Variants in CYP7B1 observed in about 807,000 individuals in gnomAD.
CYP7B1 encodes cytochrome P450 family 7 subfamily B member 1, also known as cytochrome P450 7B1.
A neutral mutation model predicts 42.7 loss-of-function variants in CYP7B1; 29 were observed. The ratio of observed to expected loss-of-function variants is 0.68; its 90% CI spans 0.51 to 0.93. The LOEUF is 0.93. Among genes scored for constraint, CYP7B1 ranks in the 40% least tolerant of loss-of-function variants. The pLI, the probability that CYP7B1 is intolerant of heterozygous loss-of-function variation, is 0.00. For missense variants in CYP7B1, 655 were observed against 600.5 expected (o/e 1.09, Z -0.95); for synonymous variants, 235 against 218.2 (o/e 1.08, Z -0.68).
At position 64,616,344 on chromosome 8, in the gene CYP7B1, C is replaced by T. The variant is rs926760501; in HGVS notation, c.260-63G>A. 5.3e-5 allele frequency: 55 copies of T among 1,033,888 alleles called. No individual in the cohort carries two copies. In the Admixed American group the frequency reaches 1.3e-3, roughly 25 times the overall value. 64.0% of individuals were successfully genotyped at this position (1,033,888 alleles called of 1,614,324 possible). ...TTGTTAATAAAACAGAAATAAACAC[C>T]ACAAATTAAAAAATATGTTAATCAA... On this transcript the variant is annotated intron_variant, in intron 2 of 5. Coordinates refer to ENST00000310193, the MANE Select transcript of CYP7B1 (RefSeq NM_004820.5).
chr8:64,789,536 G>A (rs1480297924), intron 1 of CYP7B1, among the ~76,000 whole-genome samples: 3 of 152,148 alleles, frequency 2.0e-5, no homozygotes, highest in Non-Finnish European at 4.4e-5. Context: ...AGATGACTGT[G>A]GGCATGCCCT....
At chr8:64,770,570 A>T (rs947874561) in intron 1 of CYP7B1, among the ~76,000 whole-genome samples, 6 of 152,226 alleles carry the variant, frequency 3.9e-5, no homozygotes, top group African/African-American at 1.4e-4. Context: ...TAAAAATAAA[A>T]CTATTGAACA....
intron 1 of CYP7B1, among the ~76,000 whole-genome samples, chr8:64,658,142 C>T (rs1056639235): frequency 6.6e-6 from 1 of 152,142 alleles, no homozygotes; most frequent in African/African-American, 2.4e-5. Context: ...ACCCCACCTC[C>T]TAACATCATT....
chr8:64,738,078 C>G (rs1235671669), intron 1 of CYP7B1, among the ~76,000 whole-genome samples: 1 of 152,150 alleles, frequency 6.6e-6, no homozygotes, highest in African/African-American at 2.4e-5. Flanking sequence ...TAGGTTTATT[C>G]TGACCTAGAG....
At chr8:64,673,479 T>C (rs1427993121) in intron 1 of CYP7B1, among the ~76,000 whole-genome samples, 1 of 152,132 alleles carries the variant, frequency 6.6e-6, no homozygotes, top group Non-Finnish European at 1.5e-5. Flanking sequence ...TCTTTTTGTG[T>C]GGCTGCTGCA....
chr8:64,682,403 A>G (rs1454405261), intron 1 of CYP7B1, among the ~76,000 whole-genome samples: 1 of 152,230 alleles, frequency 6.6e-6, no homozygotes, highest in Non-Finnish European at 1.5e-5. Context: ...AAAAGGCGCT[A>G]ACCTTTTTTA....
At position 64,798,677 on chromosome 8, in the gene CYP7B1, GCGGCGCCCC is replaced by G; in HGVS notation, c.-99_-91del. On this transcript the variant is annotated 5_prime_UTR_variant, in exon 1 of 6. Transcript: ENST00000310193. ...CTGCAGCCTGCGGCGGCTTCTCTCGGCGGCGCCCCCTAGTCCAGGGCCGGAGAGGCTGGC... is the reference window on the plus strand; with the variant it reads ...CTGCAGCCTGCGGCGGCTTCTCTCGGCTAGTCCAGGGCCGGAGAGGCTGGC... 1 of 1,375,362 alleles carries G rather than the reference GCGGCGCCCC, an allele frequency of 7.3e-7. No individual in the cohort carries two copies. Among genetic ancestry groups the G allele is most frequent in the East Asian group, 3.1e-5 (1 of 32,306 alleles). 85.2% of individuals were successfully genotyped at this position (1,375,362 alleles called of 1,614,324 possible).
chr8:64,797,831 C>G (rs1161991866), intron 1 of CYP7B1, among the ~76,000 whole-genome samples: 1 of 152,206 alleles, frequency 6.6e-6, no homozygotes, highest in Non-Finnish European at 1.5e-5. Context: ...TTCTCTATTT[C>G]TACTTCCACA....
chr8:64,615,824 C>T lies in CYP7B1; in HGVS notation c.717G>A (p.Lys239=), dbSNP rs1210318981. The T allele has an allele frequency of 6.2e-7, 1 of 1,613,704 alleles. No individual in the cohort carries two copies. Among genetic ancestry groups the T allele is most frequent in the East Asian group, 2.2e-5 (1 of 44,856 alleles). ...NIPIELLGNV[K]SIREKIIKCF... The stretch of plus-strand genomic sequence containing the variant: ...ATTTTATAATTTTCTCTCTAATAGA[C>T]TTGACATTTCCTAGAAGCTCAATGG... The change falls in exon 3 of 6, where the codon AAG becomes AAA. Residue 239 remains lysine, a synonymous_variant. Transcript: ENST00000310193.
intron 1 of CYP7B1, among the ~76,000 whole-genome samples, chr8:64,711,783 A>C (rs879439457): frequency 2.6e-5 from 4 of 152,226 alleles, no homozygotes; most frequent in Non-Finnish European, 5.9e-5. Context: ...TCTTGCTCAG[A>C]AAGATATCTA....
In CYP7B1 at chr8:64,636,532, CCTTTTTTCCTGAA is replaced by C. The variant is rs1458640772; in HGVS notation, c.123-12006_123-11994del. 5.9e-5 allele frequency among the ~76,000 whole-genome samples: 9 copies of C among 152,202 alleles called. No individual in the cohort carries two copies. The East Asian group carries it at 1.5e-3, about 26-fold the overall frequency. The stretch of plus-strand genomic sequence containing the variant: ...AATCTAATCATGGCTCTCTCCTGAC[CCTTTTTTCCTGAA>C]CATTTTCAATAAAGTACTAATTTTA... On this transcript the variant is annotated intron_variant, in intron 1 of 5. Coordinates refer to ENST00000310193, the MANE Select transcript of CYP7B1 (RefSeq NM_004820.5).
At chr8:64,745,218 AT>A (rs11290449) in intron 1 of CYP7B1, among the ~76,000 whole-genome samples, 2,135 of 152,312 alleles carry the variant, frequency 0.014, 59 homozygotes, top group African/African-American at 0.047. Context: ...TATAATGTTC[AT>A]TTTGTATGCT....
chr8:64,687,250 G>A (rs1247872376), intron 1 of CYP7B1, among the ~76,000 whole-genome samples: 4 of 152,198 alleles, frequency 2.6e-5, no homozygotes, highest in Admixed American at 1.3e-4. Context: ...ATATTATTCA[G>A]TCATAAAAAG....
intron 3 of CYP7B1, 37 bp from the exon 4 acceptor site, chr8:64,615,269 T>C: frequency 6.4e-7 from 1 of 1,566,210 alleles, no homozygotes; most frequent in Non-Finnish European, 8.7e-7. Context: ...ATTAATAGCG[T>C]TTATTACACT....
chr8:64,683,727 C>A (rs1806576367), intron 1 of CYP7B1, among the ~76,000 whole-genome samples: 5 of 152,146 alleles, frequency 3.3e-5, no homozygotes, highest in Non-Finnish European at 7.3e-5. Context: ...AATATATACA[C>A]CTACTATGTA....
At chr8:64,791,153 A>G (rs1804610970) in intron 1 of CYP7B1, among the ~76,000 whole-genome samples, 1 of 152,212 alleles carries the variant, frequency 6.6e-6, no homozygotes, top group Admixed American at 6.5e-5. Context: ...AGCCTCTAGG[A>G]TATGAGACAA....
chr8:64,797,713 T>C (rs933552748), intron 1 of CYP7B1, among the ~76,000 whole-genome samples: 1 of 152,114 alleles, frequency 6.6e-6, no homozygotes, highest in Non-Finnish European at 1.5e-5. Flanking sequence ...TCCAACAAAA[T>C]GCATCCGCTT....
chr8:64,635,125 G>C (rs1805751326), intron 1 of CYP7B1, among the ~76,000 whole-genome samples: 4 of 152,168 alleles, frequency 2.6e-5, no homozygotes, highest in African/African-American at 9.7e-5. Context: ...TTAGGAATTA[G>C]GTCAATTTTC....
intron 1 of CYP7B1, among the ~76,000 whole-genome samples, chr8:64,667,338 G>A (rs753083685): frequency 4.6e-5 from 7 of 152,040 alleles, no homozygotes; most frequent in Admixed American, 2.0e-4. Context: ...ATCAATCCCC[G>A]TGCAATAGAA....
Sources: allele counts gnomAD v4.1 joint callset (sites outside exome capture counted in the v4.1 genomes callset), GRCh38; gene constraint gnomAD v4.1.1; transcripts MANE v1.5; gene names NCBI Gene and HGNC (gene_info 2026-07-23, HGNC 2026-07-21).